FAM135A: variants seen among roughly 807,000 people sequenced by gnomAD.
FAM135A encodes family with sequence similarity 135 member A, also known as protein FAM135A.
In FAM135A, 79 loss-of-function variants were observed where a neutral mutation model predicts 146.8. That is an observed-to-expected ratio of 0.54 (90% CI 0.45 to 0.65). The LOEUF is 0.65. FAM135A is among the 30% of genes least tolerant of loss of function. FAM135A has a pLI of 0.00. For missense variants in FAM135A, 1,623 were observed against 1,758.2 expected, an observed-to-expected ratio of 0.92 and a Z score of 1.38; for synonymous variants, 562 against 603.6, an observed-to-expected ratio of 0.93 and a Z score of 1.01.
At chr6:70,428,152 T>C (rs566700373) in intron 3 of FAM135A, among the ~76,000 whole-genome samples, 152 bp from the exon 4 acceptor site, 4 of 152,316 alleles carry the variant, frequency 2.6e-5, no homozygotes, top group African/African-American at 9.6e-5. Flanking sequence ...TCTGGTCCTA[T>C]TTAGTTGGGT....
chr6:70,549,010 A>T (rs554726858), intron 20 of FAM135A, among the ~76,000 whole-genome samples: 2 of 152,156 alleles, frequency 1.3e-5, no homozygotes, highest in African/African-American at 4.8e-5. Context: ...AATTTAAAAG[A>T]TGCTATACAG....
intron 2 of FAM135A, among the ~76,000 whole-genome samples, chr6:70,426,177 C>T (rs1770095781): frequency 6.6e-6 from 1 of 151,496 alleles, no homozygotes; most frequent in South Asian, 2.1e-4. Context: ...CATGAGGGTT[C>T]CTACTGAACT....
At position 70,560,039 on chromosome 6, in the gene FAM135A, G is replaced by A; in HGVS notation, c.*118G>A. The A allele has an allele frequency of 1.3e-6, 1 of 788,508 alleles. No individual in the cohort carries two copies. The highest frequency in any genetic ancestry group is 1.9e-6 in the Non-Finnish European group (1 of 522,414). The allele number at this position is 788,508 out of a possible 1,614,324, so 48.8% of individuals were successfully genotyped here. ...AGAAATATTTATACCTTTTTATATG[G>A]AAGATAATTTATATCATCCATGTTT... On this transcript the variant is annotated 3_prime_UTR_variant, in exon 22 of 22. Coordinates refer to ENST00000418814, the MANE Select transcript of FAM135A (RefSeq NM_001162529.3).
At chr6:70,492,355 C>A (rs1192236842) in intron 11 of FAM135A, among the ~76,000 whole-genome samples, 1 of 151,082 alleles carries the variant, frequency 6.6e-6, no homozygotes, top group African/African-American at 2.4e-5. Context: ...ACTTAAGTGT[C>A]CAAAGAAATT....
In FAM135A at chr6:70,520,515, G is replaced by A. The variant is rs557111892; in HGVS notation, c.1030-1998G>A. Among the ~76,000 whole-genome samples the A allele has an allele frequency of 6.4e-4, 98 of 152,184 alleles. 1 individual carries two copies. Among genetic ancestry groups the A allele is most frequent in the Middle Eastern group, 3.4e-3 (1 of 294 alleles). ...CACAGATACAGGAGTATTTAACTCT[G>A]TGAAGCATTAACAAATACTTATTTT... On this transcript the variant is annotated intron_variant, in intron 12 of 21. Transcript: ENST00000418814.
At position 70,524,648 on chromosome 6, in the gene FAM135A, G is replaced by A. The variant is rs1218448481; in HGVS notation, c.1564G>A (p.Gly522Ser). 2 of 1,549,772 alleles carry A rather than the reference G, an allele frequency of 1.3e-6. No homozygotes were observed. Among genetic ancestry groups the A allele is most frequent in the Non-Finnish European group, 8.7e-7 (1 of 1,146,446 alleles). Residue 522 changes from glycine to serine, a missense_variant, in exon 15 of 22, where the codon GGC (glycine) becomes AGC (serine). Physicochemically the swap from Gly to Ser is moderately conservative, Grantham distance 56. Transcript: ENST00000418814. ...QNSKDSVVLV[G>S]YKCLKSTASN... is the part of the protein sequence containing the mutation. ...CTCTAAGGATTCTGTGGTTTTGGTA[G>A]GCTACAAATGTTTGAAAAGTACAGC... is the stretch of plus-strand genomic sequence containing the variant.
At chr6:70,429,816 A>G (rs1771090877) in intron 4 of FAM135A, among the ~76,000 whole-genome samples, 1 of 152,190 alleles carries the variant, frequency 6.6e-6, no homozygotes, top group African/African-American at 2.4e-5. Context: ...GGCACTTGAT[A>G]GTAACTCAAG....
rs748383778 is a variant in FAM135A, at chr6:70,525,271, A to G, written c.2187A>G (p.Leu729=). Residue 729 remains leucine (L), a synonymous_variant, in exon 15 of 22, where the codon TTA becomes TTG. Transcript: ENST00000418814. ...EAKCLSIGES[L]TKLRSNLPAP... is the part of the protein sequence containing the mutation. The stretch of plus-strand genomic sequence containing the variant: ...AGTGTCTTTCTATTGGAGAATCATT[A>G]ACTAAATTACGAAGTAATCTACCTG... 2.7e-5 allele frequency: 43 copies of G among 1,600,422 alleles called. No individual in the cohort carries two copies. The highest frequency in any genetic ancestry group is 3.3e-4 in the Middle Eastern group (2 of 5,984).
At chr6:70,485,447 A>G (rs1396335894) in intron 10 of FAM135A, among the ~76,000 whole-genome samples, 3 of 152,278 alleles carry the variant, frequency 2.0e-5, no homozygotes, top group Non-Finnish European at 2.9e-5. Context: ...TAAACTATCA[A>G]TGTCTTTTAT....
At chr6:70,482,900 AT>A (rs1420295178) in intron 10 of FAM135A, among the ~76,000 whole-genome samples, 2 of 151,044 alleles carry the variant, frequency 1.3e-5, no homozygotes, top group South Asian at 2.1e-4. Context: ...ATAAAAATAT[AT>A]TTTAATTTCT....
In FAM135A at chr6:70,475,491, A is replaced by T; in HGVS notation, c.239A>T (p.Glu80Val). The change falls in exon 6 of 22, where the codon GAG becomes GTG. Residue 80 changes from glutamate (E) to valine (V), a missense_variant. By Grantham distance (121) the Glu-to-Val change is moderately radical. Coordinates refer to ENST00000418814, the MANE Select transcript of FAM135A (RefSeq NM_001162529.3). ...TTTCAAATTTTGTACAAAAATGAAG[A>T]GGTTGTTTTAAATGATGTTATGATC... ...KTFQILYKNEEVVLNDVMIFK... is the reference protein window; with the variant it reads ...KTFQILYKNEVVVLNDVMIFK... The T allele has an allele frequency of 6.2e-7, 1 of 1,606,466 alleles. No individual in the cohort carries two copies. Among genetic ancestry groups the T allele is most frequent in the Non-Finnish European group, 8.5e-7 (1 of 1,177,088 alleles).
At chr6:70,474,487 A>C (rs1042737801) in intron 5 of FAM135A, among the ~76,000 whole-genome samples, 1 of 152,178 alleles carries the variant, frequency 6.6e-6, no homozygotes, top group African/African-American at 2.4e-5. Flanking sequence ...AGCTGGCTAC[A>C]AATCTGGGGG....
chr6:70,505,715 C>A (rs879860595), intron 12 of FAM135A, among the ~76,000 whole-genome samples: 3 of 151,836 alleles, frequency 2.0e-5, no homozygotes, highest in Non-Finnish European at 4.4e-5. Flanking sequence ...TTTGTGCCTT[C>A]ACTCTTTTTT....
intron 12 of FAM135A, among the ~76,000 whole-genome samples, chr6:70,520,037 T>G (rs1793208411): frequency 6.6e-6 from 1 of 152,174 alleles, no homozygotes; most frequent in Non-Finnish European, 1.5e-5. Flanking sequence ...GTATTAATTT[T>G]TTATTTATTT....
At chr6:70,515,351 C>A (rs944654805) in intron 12 of FAM135A, among the ~76,000 whole-genome samples, 4 of 152,154 alleles carry the variant, frequency 2.6e-5, no homozygotes, top group African/African-American at 7.2e-5. Flanking sequence ...TTGGAAGCAA[C>A]CAAGATGTCC....
chr6:70,558,402 G>A (rs1383397155), intron 21 of FAM135A, among the ~76,000 whole-genome samples: 1 of 152,206 alleles, frequency 6.6e-6, no homozygotes, highest in East Asian at 1.9e-4. Flanking sequence ...TAATGCATAA[G>A]CATTGTAAAC....
At chr6:70,531,418 T>C (rs781340911) in intron 16 of FAM135A, among the ~76,000 whole-genome samples, 7 of 152,238 alleles carry the variant, frequency 4.6e-5, no homozygotes. Context: ...TTTAGGATCT[T>C]GATACCATTT....
At chr6:70,488,498 C>T (rs1439796874) in intron 10 of FAM135A, among the ~76,000 whole-genome samples, 2 of 145,024 alleles carry the variant, frequency 1.4e-5, no homozygotes, top group East Asian at 4.3e-4. Flanking sequence ...ATAATCATCA[C>T]ATTTATACAT....
chr6:70,541,432 CCTT>C (rs758147957), intron 20 of FAM135A, among the ~76,000 whole-genome samples: 2 of 152,156 alleles, frequency 1.3e-5, no homozygotes, highest in Admixed American at 1.3e-4. Flanking sequence ...ACTGAAAACT[CCTT>C]CTTGAAATAT....
Sources: gnomAD v4.1 joint callset for allele counts (sites outside exome capture counted in the v4.1 genomes callset) on GRCh38, gnomAD v4.1.1 for gene constraint, MANE v1.5 for transcripts, NCBI Gene and HGNC (gene_info 2026-07-23, HGNC 2026-07-21) for gene names.